The following ATP2B3 variants were observed in gnomAD, a reference collection of about 807,000 sequenced individuals.
ATP2B3 encodes the protein ATPase plasma membrane Ca2+ transporting 3.
A neutral mutation model predicts 70.8 loss-of-function variants in ATP2B3; 12 were observed. The observed-to-expected ratio is 0.17, with a 90% CI of 0.11 to 0.27. The LOEUF is 0.27. Ranked by LOEUF, ATP2B3 falls within the 10% of genes least tolerant of loss-of-function variation. The pLI, the probability that ATP2B3 is intolerant of heterozygous loss-of-function variation, is 1.00. For missense variants in ATP2B3, 858 were observed against 1,118.5 expected, an observed-to-expected ratio of 0.77 and a Z score of 3.32; for synonymous variants, 460 against 497.8, an observed-to-expected ratio of 0.92 and a Z score of 1.01.
chrX:153,563,067 A>ACACTGGG (rs1312912863), intron 20 of ATP2B3, among the ~76,000 whole-genome samples: 1 of 106,317 alleles, frequency 9.4e-6, no homozygotes, highest in African/African-American at 3.5e-5. Flanking sequence ...AAATCCAGCC[A>ACACTGGG]CACTGGGCAC....
At position 153,580,089 on chromosome X, in the gene ATP2B3, T is replaced by C. The variant is rs1557022358; in HGVS notation, c.3454T>C (p.Tyr1152His). The change falls in exon 22 of 22, where the codon TAC becomes CAC. Residue 1152 changes from tyrosine to histidine, a missense_variant. Physicochemically the swap from Tyr to His is moderately conservative, Grantham distance 83. This residue lies in a region of ATP2B3 where 265 missense variants were observed against 305.3 expected (regional missense o/e 0.87). Transcript: ENST00000263519. ...MATPEFLINDYTHNIPLIDDT... is the reference protein window; with the variant it reads ...MATPEFLINDHTHNIPLIDDT... ...CACGCCCGAGTTTCTGATCAATGAC[T>C]ACACCCACAACATCCCGCTCATTGA... is the stretch of plus-strand genomic sequence containing the variant. The C allele has an allele frequency of 8.3e-7, 1 of 1,210,381 alleles. No individual in the cohort carries two copies. Among genetic ancestry groups the C allele is most frequent in the Non-Finnish European group, 1.1e-6 (1 of 895,312 alleles).
intron 2 of ATP2B3, among the ~76,000 whole-genome samples, chrX:153,524,673 A>G (rs1033809285): frequency 1.8e-5 from 2 of 111,699 alleles, no homozygotes; most frequent in Non-Finnish European, 3.8e-5. Context: ...ACTGGTCTGC[A>G]GTCAGACCTG....
intron 2 of ATP2B3, among the ~76,000 whole-genome samples, chrX:153,519,756 G>C (rs1399818838): frequency 8.9e-6 from 1 of 112,797 alleles, no homozygotes; most frequent in Non-Finnish European, 1.9e-5. Flanking sequence ...GCCCTGCACG[G>C]CCAGGTGGTT....
In ATP2B3 at chrX:153,547,929, C is replaced by T. The variant is rs1557009421; in HGVS notation, c.1053C>T (p.Asn351=). Residue 351 remains asparagine, a synonymous_variant, in exon 9 of 22, where the codon AAC becomes AAT. Coordinates refer to ENST00000263519, the MANE Select transcript of ATP2B3 (RefSeq NM_001001344.3). ...AGGAGCGGGAGAAGAAGAAAGCCAA[C>T]GCACCCAAAAAGGAGAAGTCTGTCC... ...EMEEREKKKA[N]APKKEKSVLQ... 1.2e-5 allele frequency: 14 copies of T among 1,209,465 alleles called. No individual in the cohort carries two copies. Among genetic ancestry groups the T allele is most frequent in the South Asian group, 1.8e-5 (1 of 56,658 alleles).
Position 153,540,343 on chromosome X carries a change from C to T in ATP2B3, c.209-1016C>T, listed in dbSNP as rs151140382. 6.0e-3 allele frequency among the ~76,000 whole-genome samples: 680 copies of T among 112,417 alleles called. 1 individual carries two copies. The highest frequency in any genetic ancestry group is 9.4e-3 in the Non-Finnish European group (502 of 53,140). The stretch of plus-strand genomic sequence containing the variant: ...GTCCCCTCCCTCAGCACCGTGACTC[C>T]GGTTTGGCTTCTCCCCGCCTGTTCC... On this transcript the variant is annotated intron_variant, in intron 3 of 21. Transcript: ENST00000263519.
At chrX:153,523,720 C>CAG (rs2089991520) in intron 2 of ATP2B3, among the ~76,000 whole-genome samples, 6 of 71,108 alleles carry the variant, frequency 8.4e-5, no homozygotes, top group Non-Finnish European at 1.4e-4. Flanking sequence ...TTCCCTGAGA[C>CAG]AGTCTCGCTC....
At chrX:153,572,058 T>G (rs2090796845) in intron 21 of ATP2B3, among the ~76,000 whole-genome samples, 1 of 112,448 alleles carries the variant, frequency 8.9e-6, no homozygotes, top group Non-Finnish European at 1.9e-5. Flanking sequence ...AGCCCAGCAC[T>G]CTCATCCTAG....
At position 153,556,990 on chromosome X, in the gene ATP2B3, G is replaced by A. The variant is rs782044299; in HGVS notation, c.2400G>A (p.Pro800=). 7 of 1,190,784 alleles carry A rather than the reference G, an allele frequency of 5.9e-6. No homozygotes were observed. The African/African-American group carries it at 7.0e-5, about 12-fold the overall frequency. The change falls in exon 16 of 22, where the codon CCG becomes CCA. Residue 800 remains proline, a synonymous_variant. Coordinates refer to ENST00000263519, the MANE Select transcript of ATP2B3 (RefSeq NM_001001344.3). The stretch of plus-strand genomic sequence containing the variant: ...CAGGGGATGGCACCAACGATGGGCC[G>A]GCCCTCAAGAAGGCGGACGTGGGCT... ...AVTGDGTNDG[P]ALKKADVGFA... is the part of the protein sequence containing the mutation.
chrX:153,552,497 G>C (rs1557011880), intron 12 of ATP2B3, among the ~76,000 whole-genome samples: 1 of 112,013 alleles, frequency 8.9e-6, no homozygotes. Context: ...GAAGCTCCTG[G>C]AGTCATGAGC....
intron 17 of ATP2B3, 178 bp from the exon 18 acceptor site, chrX:153,559,551 G>A (rs2090591647): frequency 2.2e-6 from 1 of 444,480 alleles, no homozygotes; most frequent in South Asian, 3.6e-5. Flanking sequence ...GCACGTGACA[G>A]CCCAAAGAAA....
chrX:153,531,490 T>C (rs1557001909), intron 2 of ATP2B3, among the ~76,000 whole-genome samples: 1 of 113,133 alleles, frequency 8.8e-6, no homozygotes, highest in Admixed American at 9.2e-5. Context: ...AGGCGGGCCC[T>C]TGCTTGGTGG....
In ATP2B3 at chrX:153,551,836, G is replaced by A. The variant is rs782273376; in HGVS notation, c.1824-1199G>A. ...TCCCCACTCCCACTCAGCCTTCCCGGACTCCACACCCTTGGCCTTGGCGTC... is the reference window on the plus strand; with the variant it reads ...TCCCCACTCCCACTCAGCCTTCCCGAACTCCACACCCTTGGCCTTGGCGTC... On this transcript the variant is annotated intron_variant, in intron 12 of 21. Transcript: ENST00000263519. 5.3e-5 allele frequency among the ~76,000 whole-genome samples: 6 copies of A among 112,447 alleles called. No individual in the cohort carries two copies. In the South Asian group the frequency reaches 1.8e-3, roughly 34 times the overall value.
In ATP2B3 at chrX:153,546,108, A is replaced by G. The variant is rs919044681; in HGVS notation, c.937A>G (p.Met313Val). Residue 313 changes from methionine (M) to valine (V), a missense_variant, in exon 8 of 22, where the codon ATG becomes GTG. Transcript: ENST00000263519. ...DKKGKQQDGA[M>V]ESSQTKAKKQ... ...TGTAGGCAAGCAGCAGGATGGGGCC[A>G]TGGAGAGTAGCCAGACCAAAGGTAA... 1 of 1,209,371 alleles carries G rather than the reference A, an allele frequency of 8.3e-7. No homozygotes were observed. Among genetic ancestry groups the G allele is most frequent in the African/African-American group, 1.8e-5 (1 of 57,032 alleles).
chrX:153,530,708 G>A (rs1191580632), intron 2 of ATP2B3, among the ~76,000 whole-genome samples: 2 of 110,133 alleles, frequency 1.8e-5, no homozygotes, highest in African/African-American at 6.6e-5. Context: ...GCGCCATGGT[G>A]ATGGCTATTG....
intron 21 of ATP2B3, among the ~76,000 whole-genome samples, chrX:153,579,617 A>G (rs113514923): frequency 1.7e-3 from 194 of 112,392 alleles, no homozygotes; most frequent in African/African-American, 6.0e-3. Context: ...GCGGGGTCAC[A>G]GCCAAGAGCC....
At chrX:153,576,905 G>A (rs1309527591) in intron 21 of ATP2B3, among the ~76,000 whole-genome samples, 3 of 112,175 alleles carry the variant, frequency 2.7e-5, no homozygotes, top group Non-Finnish European at 3.8e-5. Context: ...AGTGTTGGGT[G>A]GGCTGAAAAC....
intron 18 of ATP2B3, 106 bp downstream of exon 18, chrX:153,560,048 G>A (rs202111992): frequency 3.7e-5 from 31 of 832,292 alleles, no homozygotes; most frequent in African/African-American, 2.2e-4. Context: ...CACCCAGTAC[G>A]GGGTGGGACG....
At chrX:153,520,764 A>G (rs1415856064) in intron 2 of ATP2B3, among the ~76,000 whole-genome samples, 2 of 112,246 alleles carry the variant, frequency 1.8e-5, no homozygotes, top group Non-Finnish European at 3.8e-5. Flanking sequence ...TGTAGCCATT[A>G]GTTCCTGTAT....
chrX:153,521,967 G>A (rs1262143037), intron 2 of ATP2B3, among the ~76,000 whole-genome samples: 1 of 112,222 alleles, frequency 8.9e-6, no homozygotes, highest in Non-Finnish European at 1.9e-5. Context: ...GGTGGCACAA[G>A]GCCACTAATG....
Sources: allele counts gnomAD v4.1 joint callset (sites outside exome capture counted in the v4.1 genomes callset), GRCh38; gene constraint gnomAD v4.1.1; regional missense constraint gnomAD v4.1.1; transcripts MANE v1.5; gene names NCBI Gene and HGNC (gene_info 2026-07-23, HGNC 2026-07-21).